SATB2: variants seen among roughly 807,000 people sequenced by gnomAD.
The protein encoded by SATB2 is SATB homeobox 2.
SATB2 carries 1 observed loss-of-function variant against 73.4 expected under a neutral mutation model. That is an observed-to-expected ratio of 0.01 (90% CI 0.00 to 0.06). The LOEUF is 0.06. SATB2 is among the 10% of genes least tolerant of loss of function. The pLI is 1.00. For missense variants in SATB2, 459 were observed against 945.8 expected (o/e 0.49, Z 6.75); for synonymous variants, 397 against 367.0 (o/e 1.08, Z -0.93).
intron 7 of SATB2, among the ~76,000 whole-genome samples, chr2:199,335,487 T>C (rs574507555): frequency 2.0e-5 from 3 of 152,324 alleles, no homozygotes; most frequent in South Asian, 2.1e-4. Context: ...CTCACATTTA[T>C]GAGACATCTT....
chr2:199,363,836 ATACAACATAGGCAGAGGGCAGACAAACT>A (rs982321620), intron 6 of SATB2, among the ~76,000 whole-genome samples: 2 of 152,236 alleles, frequency 1.3e-5, no homozygotes, highest in Admixed American at 1.3e-4. Flanking sequence ...TTTCAACAAG[ATACAACATAGGCAGAGGGCAGACAAACT>A]TACAACATAG....
rs72202602 is a variant in SATB2, at chr2:199,355,348, CTATATA to C, written c.701-6181_701-6176del. 3.9e-4 allele frequency among the ~76,000 whole-genome samples: 53 copies of C among 134,184 alleles called. 3 individuals are homozygous for C. Among genetic ancestry groups the C allele is most frequent in the South Asian group, 2.5e-3 (11 of 4,382 alleles). The allele number at this position is 134,184 out of a possible 152,430, so 88.0% of individuals were successfully genotyped here. A position where few individuals can be genotyped will look rare whatever the true frequency, so the allele number is the denominator to read the frequency against. ...TATGTGTGTGTGTGTGTGTGTGTAT[CTATATA>C]TATATATATATATATATATATAGTC... is the stretch of plus-strand genomic sequence containing the variant. On this transcript the variant is annotated intron_variant, in intron 6 of 10. Transcript: ENST00000417098.
intron 10 of SATB2, among the ~76,000 whole-genome samples, chr2:199,273,181 ATTAAATGACATAATTG>A (rs1321992119): frequency 6.6e-6 from 1 of 152,234 alleles, no homozygotes. Context: ...TGTTGTAAGG[ATTAAATGACATAATTG>A]TTACAAAAAA....
rs377118760 is a variant in SATB2, at chr2:199,399,522, C to A, written c.347-17702G>T. On this transcript the variant is annotated intron_variant, in intron 3 of 10. Coordinates refer to ENST00000417098, the MANE Select transcript of SATB2 (RefSeq NM_001172509.2). The stretch of plus-strand genomic sequence containing the variant: ...TCCTACAATATATGTATTAGTCTGT[C>A]CTCACATTGCTACAAAGAAATACCT... 3.9e-5 allele frequency among the ~76,000 whole-genome samples: 6 copies of A among 152,134 alleles called. No individual in the cohort carries two copies. The East Asian group carries it at 1.2e-3, about 29-fold the overall frequency.
At chr2:199,458,797 G>A (rs1239461482), upstream of SATB2, 5 of 359,368 alleles carry the variant, frequency 1.4e-5, no homozygotes, top group Non-Finnish European at 2.8e-5. Context: ...GCCCCTCCGA[G>A]CAACTTTTCC....
intron 9 of SATB2, among the ~76,000 whole-genome samples, chr2:199,317,553 T>C (rs1687770193): frequency 6.6e-6 from 1 of 152,102 alleles, no homozygotes; most frequent in Non-Finnish European, 1.5e-5. Flanking sequence ...TAAAAGTATT[T>C]GACATTTTAA....
chr2:199,398,229 G>C (rs747560040), intron 3 of SATB2, among the ~76,000 whole-genome samples: 2 of 152,168 alleles, frequency 1.3e-5, no homozygotes, highest in Non-Finnish European at 2.9e-5. Flanking sequence ...ACACAGGAAC[G>C]AAAGACTACT....
At chr2:199,335,519 C>A (rs1471499787) in intron 7 of SATB2, among the ~76,000 whole-genome samples, 1 of 152,158 alleles carries the variant, frequency 6.6e-6, no homozygotes, top group East Asian at 1.9e-4. Context: ...TACTATAAAA[C>A]CTTCCTCCCA....
At chr2:199,340,806 C>T (rs1358705331) in intron 7 of SATB2, among the ~76,000 whole-genome samples, 2 of 152,150 alleles carry the variant, frequency 1.3e-5, no homozygotes, top group Admixed American at 6.5e-5. Context: ...GGCAGGGCAT[C>T]CGTTCCACTG....
intron 2 of SATB2, among the ~76,000 whole-genome samples, chr2:199,452,202 T>C (rs1272652898): frequency 6.6e-6 from 1 of 152,150 alleles, no homozygotes; most frequent in African/African-American, 2.4e-5. Flanking sequence ...ATCTGGTATA[T>C]TCAAGCGCTG....
chr2:199,366,633 C>CACACACACAG (rs1418180688), intron 6 of SATB2, among the ~76,000 whole-genome samples: 2 of 151,982 alleles, frequency 1.3e-5, no homozygotes, highest in Admixed American at 6.6e-5. Context: ...CTCCTACTGA[C>CACACACACAG]ACACACACAG....
intron 6 of SATB2, among the ~76,000 whole-genome samples, chr2:199,366,824 AAAAAG>A (rs1689298172): frequency 6.6e-6 from 1 of 152,050 alleles, no homozygotes; most frequent in Non-Finnish European, 1.5e-5. Context: ...AAAAAAAAAA[AAAAAG>A]ATACAGCTTG....
At chr2:199,361,688 C>T (rs1204639093) in intron 6 of SATB2, among the ~76,000 whole-genome samples, 1 of 151,904 alleles carries the variant, frequency 6.6e-6, no homozygotes, top group Non-Finnish European at 1.5e-5. Flanking sequence ...AAGGTGTGTT[C>T]TCTACCTTCT....
chr2:199,451,613 A>ACC (rs1212798993), intron 2 of SATB2, among the ~76,000 whole-genome samples: 1 of 152,084 alleles, frequency 6.6e-6, no homozygotes, highest in Admixed American at 6.6e-5. Flanking sequence ...CTCAATATAT[A>ACC]CCTATCTATA....
At chr2:199,451,608 T>A (rs1435439372) in intron 2 of SATB2, among the ~76,000 whole-genome samples, 1 of 152,102 alleles carries the variant, frequency 6.6e-6, no homozygotes, top group African/African-American at 2.4e-5. Context: ...ATAATCTCAA[T>A]ATATACCTAT....
chr2:199,299,168 T>G (rs1687208255), intron 10 of SATB2, among the ~76,000 whole-genome samples: 1 of 152,196 alleles, frequency 6.6e-6, no homozygotes, highest in Non-Finnish European at 1.5e-5. Flanking sequence ...AAGAGAAGTG[T>G]TTATCTGTGT....
chr2:199,269,778 T>A lies in SATB2; in HGVS notation c.*2433A>T, dbSNP rs781570019. 6 of 151,894 alleles carry A rather than the reference T, an allele frequency of 4.0e-5. No homozygotes were observed. Among genetic ancestry groups the A allele is most frequent in the Non-Finnish European group, 8.8e-5 (6 of 67,934 alleles). The allele number at this position is 151,894 out of a possible 1,614,324, so 9.4% of individuals were successfully genotyped here. A position where few individuals can be genotyped will look rare whatever the true frequency, so the allele number is the denominator to read the frequency against. On this transcript the variant is annotated 3_prime_UTR_variant, in exon 11 of 11. Transcript: ENST00000417098. ...TTTCTTCTTCCAAATAGATATTATA[T>A]GACAGATATTGAATAAATAGACATA...
chr2:199,419,222 A>G (rs2105911946), intron 3 of SATB2, among the ~76,000 whole-genome samples: 1 of 152,312 alleles, frequency 6.6e-6, no homozygotes, highest in East Asian at 1.9e-4. Context: ...TTCACCTTCC[A>G]CCACCACAGA....
At chr2:199,408,251 CA>C (rs1403772400) in intron 3 of SATB2, among the ~76,000 whole-genome samples, 1 of 152,018 alleles carries the variant, frequency 6.6e-6, no homozygotes, top group Non-Finnish European at 1.5e-5. Flanking sequence ...GATTTAGATT[CA>C]AAAGGATGGG....
Sources: gnomAD v4.1 joint callset for allele counts (sites outside exome capture counted in the v4.1 genomes callset) on GRCh38, gnomAD v4.1.1 for gene constraint, MANE v1.5 for transcripts, NCBI Gene and HGNC (gene_info 2026-07-23, HGNC 2026-07-21) for gene names.